The following GABBR2 variants were observed in gnomAD, a reference collection of about 807,000 sequenced individuals.
GABBR2 encodes gamma-aminobutyric acid type B receptor subunit 2, also known as G-protein coupled receptor 51.
GABBR2 carries 23 observed loss-of-function variants against 105.6 expected under a neutral mutation model. The ratio of observed to expected loss-of-function variants is 0.22; its 90% CI spans 0.16 to 0.31. The LOEUF (loss-of-function observed/expected upper bound fraction) is 0.31, where lower values mean the gene tolerates loss of function less well. GABBR2 is among the 10% of genes least tolerant of loss of function. The pLI, the probability that GABBR2 is intolerant of heterozygous loss-of-function variation, is 1.00. For synonymous variants in GABBR2, 478 were observed against 499.7 expected, an observed-to-expected ratio of 0.96 and a Z score of 0.58; for missense variants, 734 against 1,245.5, an observed-to-expected ratio of 0.59 and a Z score of 6.18.
At chr9:98,416,592 G>A (rs866735171) in intron 7 of GABBR2, among the ~76,000 whole-genome samples, 49 of 152,316 alleles carry the variant, frequency 3.2e-4, no homozygotes, top group African/African-American at 1.2e-3. Context: ...TTCTTTCTGC[G>A]CTTTCAGCAC....
At position 98,356,622 on chromosome 9, in the gene GABBR2, C is replaced by CTAAAATGTTTAGTTTTGTAAG. The variant is rs1418330798; in HGVS notation, c.1893+6092_1893+6093insCTTACAAAACTAAACATTTTA. On this transcript the variant is annotated intron_variant, in intron 13 of 18. Transcript: ENST00000259455. Reference sequence around the variant, plus strand: ...TTTGGTAGTTTCTTACAAAACTAAACATCCTCTTACCATATAATCATAACT... The same window carrying CTAAAATGTTTAGTTTTGTAAG: ...TTTGGTAGTTTCTTACAAAACTAAACTAAAATGTTTAGTTTTGTAAGATCCTCTTACCATATAATCATAACT... 3.3e-5 allele frequency among the ~76,000 whole-genome samples: 5 copies of CTAAAATGTTTAGTTTTGTAAG among 152,192 alleles called. No individual in the cohort carries two copies. In the East Asian group the frequency reaches 9.6e-4, roughly 29 times the overall value.
chr9:98,298,101 C>G (rs1830411703), intron 17 of GABBR2, among the ~76,000 whole-genome samples: 2 of 150,656 alleles, frequency 1.3e-5, no homozygotes, highest in Admixed American at 1.3e-4. Flanking sequence ...TCCACAATAC[C>G]ATTTCTTTTC....
chr9:98,626,683 G>A (rs1490912580), intron 1 of GABBR2, among the ~76,000 whole-genome samples: 1 of 152,188 alleles, frequency 6.6e-6, no homozygotes, highest in Non-Finnish European at 1.5e-5. Flanking sequence ...CTCATTATAA[G>A]TTCTAGATGA....
intron 1 of GABBR2, among the ~76,000 whole-genome samples, chr9:98,683,678 A>C (rs1486069542): frequency 6.6e-5 from 10 of 151,976 alleles, no homozygotes; most frequent in Admixed American, 6.6e-4. Context: ...AGAAAAAAAA[A>C]ACCAACAACT....
intron 1 of GABBR2, among the ~76,000 whole-genome samples, chr9:98,657,194 T>C (rs1330687582): frequency 6.6e-6 from 1 of 152,206 alleles, no homozygotes. Flanking sequence ...TGATGCCCCA[T>C]CTTTAGGGCT....
chr9:98,371,348 T>C (rs941683298), intron 12 of GABBR2, 116 bp downstream of exon 12: 26 of 652,070 alleles, frequency 4.0e-5, no homozygotes, highest in East Asian at 3.3e-4. Context: ...GAGGTAGGGA[T>C]TGTGTTTAGC....
chr9:98,539,025 G>A (rs117196480), intron 3 of GABBR2, among the ~76,000 whole-genome samples: 13 of 152,308 alleles, frequency 8.5e-5, no homozygotes, highest in East Asian at 3.9e-4. Context: ...TGAGGGCCCC[G>A]ACACGGCTGT....
At chr9:98,553,497 C>T (rs1172700031) in intron 2 of GABBR2, among the ~76,000 whole-genome samples, 1 of 151,926 alleles carries the variant, frequency 6.6e-6, no homozygotes, top group East Asian at 1.9e-4. Context: ...GAGGCTGAGG[C>T]AGGAGAATCA....
chr9:98,545,451 A>G lies in GABBR2; in HGVS notation c.460-3408T>C, dbSNP rs557584091. Among the ~76,000 whole-genome samples, 5 of 152,320 alleles carry G rather than the reference A, an allele frequency of 3.3e-5. No homozygotes were observed. The South Asian group carries it at 8.3e-4, about 25-fold the overall frequency. ...TGCAGGTGCCCAGTAGCACTGCTGG[A>G]CTTCAAAACTAACAGACATCTGAGA... is the stretch of plus-strand genomic sequence containing the variant. On this transcript the variant is annotated intron_variant, in intron 2 of 18. Transcript: ENST00000259455.
intron 13 of GABBR2, among the ~76,000 whole-genome samples, chr9:98,347,147 A>C (rs1831316124): frequency 6.6e-6 from 1 of 151,298 alleles, no homozygotes; most frequent in African/African-American, 2.4e-5. Flanking sequence ...TTCCTGAGAA[A>C]CCCCCACATT....
At chr9:98,406,587 G>T (rs995474520) in intron 7 of GABBR2, among the ~76,000 whole-genome samples, 2 of 152,182 alleles carry the variant, frequency 1.3e-5, no homozygotes, top group East Asian at 3.9e-4. Flanking sequence ...GGACCAGAAG[G>T]GTGCTAGAGG....
At position 98,406,068 on chromosome 9, in the gene GABBR2, T is replaced by C; in HGVS notation, c.1297+13A>G. 6.9e-7 allele frequency: 1 copy of C among 1,454,410 alleles called. No homozygotes were observed. Among genetic ancestry groups the C allele is most frequent in the Non-Finnish European group, 9.6e-7 (1 of 1,038,162 alleles). 90.1% of individuals were successfully genotyped at this position (1,454,410 alleles called of 1,614,324 possible). On this transcript the variant is annotated intron_variant, in intron 8 of 18. Transcript: ENST00000259455. ...TTTTATCAGCTAGAAAGAATAAGCA[T>C]CAAAATGCCTACCTTGAAATTGAGT...
At chr9:98,403,772 C>CAT (rs1158965309) in intron 8 of GABBR2, among the ~76,000 whole-genome samples, 6 of 145,264 alleles carry the variant, frequency 4.1e-5, no homozygotes, top group African/African-American at 1.5e-4. Context: ...TATATATATA[C>CAT]ATATATATAA....
At chr9:98,418,931 A>C (rs986752846) in intron 7 of GABBR2, among the ~76,000 whole-genome samples, 8 of 152,202 alleles carry the variant, frequency 5.3e-5, no homozygotes, top group Non-Finnish European at 1.2e-4. Context: ...CATCCCTACG[A>C]TTAGAAGTAT....
chr9:98,703,752 C>A lies in GABBR2; in HGVS notation c.321+4665G>T, dbSNP rs189553025. ...AAGCAATCCTCTCACCTCAGCACCC[C>A]CAAAATGCTGAGATTACAGGCATGA... is the stretch of plus-strand genomic sequence containing the variant. On this transcript the variant is annotated intron_variant, in intron 1 of 18. Coordinates refer to ENST00000259455, the MANE Select transcript of GABBR2 (RefSeq NM_005458.8). Among the ~76,000 whole-genome samples the A allele has an allele frequency of 5.0e-3, 755 of 151,856 alleles. 3 individuals carry two copies. The highest frequency in any genetic ancestry group is 0.013 in the Admixed American group (196 of 15,264).
intron 13 of GABBR2, among the ~76,000 whole-genome samples, chr9:98,341,832 A>G (rs1315878727): frequency 6.6e-6 from 1 of 152,218 alleles, no homozygotes; most frequent in African/African-American, 2.4e-5. Flanking sequence ...GTGAGGGTGT[A>G]ATATTAAATT....
chr9:98,409,883 C>T (rs1157785519), intron 7 of GABBR2, among the ~76,000 whole-genome samples: 1 of 152,194 alleles, frequency 6.6e-6, no homozygotes, highest in African/African-American at 2.4e-5. Context: ...GATAAACTTC[C>T]TGTATGCAAA....
intron 1 of GABBR2, among the ~76,000 whole-genome samples, chr9:98,606,167 G>T (rs539541077): frequency 6.6e-6 from 1 of 152,336 alleles, no homozygotes; most frequent in South Asian, 2.1e-4. Flanking sequence ...TTAATCCAGT[G>T]TATCATTGAG....
At position 98,457,949 on chromosome 9, in the gene GABBR2, G is replaced by GA. The variant is rs1398629251; in HGVS notation, c.1000-3733dup. Among the ~76,000 whole-genome samples, 6 of 152,344 alleles carry GA rather than the reference G, an allele frequency of 3.9e-5. No individual in the cohort carries two copies. The East Asian group carries it at 1.2e-3, about 29-fold the overall frequency. On this transcript the variant is annotated intron_variant, in intron 6 of 18. Coordinates refer to ENST00000259455, the MANE Select transcript of GABBR2 (RefSeq NM_005458.8). ...CATCCTCCGAGGTCAAGTTTATCGT[G>GA]AGATGCTAAAAGTTTCTGAGAAAAT...
Sources: gnomAD v4.1 joint callset for allele counts (sites outside exome capture counted in the v4.1 genomes callset) on GRCh38, gnomAD v4.1.1 for gene constraint, MANE v1.5 for transcripts, NCBI Gene and HGNC (gene_info 2026-07-23, HGNC 2026-07-21) for gene names.